FMO1: variants seen among roughly 807,000 people sequenced by gnomAD.
FMO1 encodes the protein flavin containing dimethylaniline monoxygenase 1, also known as flavin-containing monooxygenase 1.
A neutral mutation model predicts 45.4 loss-of-function variants in FMO1; 36 were observed. The ratio of observed to expected loss-of-function variants is 0.79; its 90% confidence interval spans 0.61 to 1.05. The LOEUF is 1.05. Among genes scored for constraint, FMO1 ranks in the 50% least tolerant of loss-of-function variants. FMO1 has a pLI of 0.00. For missense variants in FMO1, 615 were observed against 640.3 expected, an observed-to-expected ratio of 0.96 and a Z score of 0.43; for synonymous variants, 228 against 227.2, an observed-to-expected ratio of 1.00 and a Z score of -0.03.
chr1:171,285,055 C>T (rs539245197), intron 8 of FMO1, 147 bp from the exon 9 acceptor site: 65 of 545,572 alleles, frequency 1.2e-4, no homozygotes, highest in East Asian at 3.0e-4. Flanking sequence ...AGAAGGAGAC[C>T]GTTAGATAGG....
chr1:171,263,355 C>A (rs1017385042), intron 2 of FMO1, among the ~76,000 whole-genome samples: 1 of 152,196 alleles, frequency 6.6e-6, no homozygotes, highest in African/African-American at 2.4e-5. Flanking sequence ...AGAAAATTCC[C>A]AGATCAGCCA....
At chr1:171,275,798 C>G (rs1661085119) in intron 4 of FMO1, among the ~76,000 whole-genome samples, 1 of 152,118 alleles carries the variant, frequency 6.6e-6, no homozygotes, top group Non-Finnish European at 1.5e-5. Flanking sequence ...TGGTAGCACT[C>G]AGAAAGTCTT....
intron 2 of FMO1, among the ~76,000 whole-genome samples, chr1:171,262,205 T>C (rs531696528): frequency 1.3e-5 from 2 of 151,882 alleles, no homozygotes; most frequent in African/African-American, 4.8e-5. Context: ...AAGGCCGAGG[T>C]GGACAGATCA....
At chr1:171,258,773 T>A (rs534202051) in intron 2 of FMO1, among the ~76,000 whole-genome samples, 47 of 152,304 alleles carry the variant, frequency 3.1e-4, no homozygotes, top group Middle Eastern at 3.4e-3. Context: ...GAGTCTTTTT[T>A]TTATTCCCTG....
chr1:171,268,797 C>T (rs1660725408), intron 3 of FMO1, among the ~76,000 whole-genome samples: 1 of 152,198 alleles, frequency 6.6e-6, no homozygotes, highest in Non-Finnish European at 1.5e-5. Context: ...CATTCACATT[C>T]ACGACCTTAA....
rs35331306 is a variant in FMO1 at position 171,283,265 on chromosome 1, TAAAAAAAAAAAAAAA to T, written c.1256+67_1256+81del. ...CTTTTTAAATTATAACTGAAATTGG[TAAAAAAAAAAAAAAA>T]AAAAAAAAAAAAAAAAAGGAAATGA... On this transcript the variant is annotated intron_variant, in intron 8 of 8. Coordinates refer to ENST00000617670, the MANE Select transcript of FMO1 (RefSeq NM_001282693.2). The T allele has an allele frequency of 3.2e-3, 242 of 74,724 alleles. 2 individuals are homozygous for T. The highest frequency in any genetic ancestry group is 0.012 in the African/African-American group (99 of 8,558). 4.6% of individuals were successfully genotyped at this position (74,724 alleles called of 1,614,324 possible).
intron 3 of FMO1, among the ~76,000 whole-genome samples, chr1:171,272,022 C>T (rs550705761): frequency 1.3e-5 from 2 of 152,340 alleles, no homozygotes; most frequent in South Asian, 4.1e-4. Context: ...CAGCCCTTCC[C>T]ATCACAGGCC....
chr1:171,274,023 C>T (rs1186414989), intron 3 of FMO1, among the ~76,000 whole-genome samples: 2 of 152,034 alleles, frequency 1.3e-5, no homozygotes, highest in Non-Finnish European at 2.9e-5. Flanking sequence ...GTGGCATGGG[C>T]CTGTAGTCTC....
At chr1:171,276,276 CCA>C (rs1294882315) in intron 4 of FMO1, among the ~76,000 whole-genome samples, 3 of 152,154 alleles carry the variant, frequency 2.0e-5, no homozygotes, top group Non-Finnish European at 4.4e-5. Context: ...GGATCTGCCC[CCA>C]GAGGTCACTC....
chr1:171,261,571 A>G (rs1017275550), intron 2 of FMO1, among the ~76,000 whole-genome samples: 2 of 152,124 alleles, frequency 1.3e-5, no homozygotes, highest in Admixed American at 1.3e-4. Flanking sequence ...GAGGCCCCAG[A>G]GAATATAGAC....
At chr1:171,254,609 A>G (rs750805524) in intron 1 of FMO1, among the ~76,000 whole-genome samples, 3 of 152,208 alleles carry the variant, frequency 2.0e-5, no homozygotes, top group Non-Finnish European at 2.9e-5. Flanking sequence ...CAGTTCATCA[A>G]CAATGTCTTA....
At chr1:171,263,715 G>T (rs1463016383) in intron 2 of FMO1, among the ~76,000 whole-genome samples, 1 of 152,124 alleles carries the variant, frequency 6.6e-6, no homozygotes, top group Admixed American at 6.5e-5. Flanking sequence ...TTTTTAGAGG[G>T]CACGTGCTTC....
chr1:171,278,333 G>T (rs1661195285), intron 4 of FMO1, among the ~76,000 whole-genome samples: 1 of 152,228 alleles, frequency 6.6e-6, no homozygotes, highest in Non-Finnish European at 1.5e-5. Context: ...CTGACTCACA[G>T]TTCCCTTAAG....
At position 171,259,190 on chromosome 1, in the gene FMO1, G is replaced by C. The variant is rs527317763; in HGVS notation, c.132+971G>C. Among the ~76,000 whole-genome samples, 5 of 152,342 alleles carry C rather than the reference G, an allele frequency of 3.3e-5. No individual in the cohort carries two copies. The South Asian group carries it at 1.0e-3, about 32-fold the overall frequency. On this transcript the variant is annotated intron_variant, in intron 2 of 8. Transcript: ENST00000617670. ...AGCATTTCTCTGTTACAGAAGGGTA[G>C]AATTTGGAACTGAAGTAAAGTAATT...
In FMO1 at chr1:171,278,779, C is replaced by A; in HGVS notation, c.535C>A (p.Pro179Thr). The change falls in exon 5 of 9, where the codon CCA becomes ACA. Residue 179 changes from proline to threonine, a missense_variant. Coordinates refer to ENST00000617670, the MANE Select transcript of FMO1 (RefSeq NM_001282693.2). ...CTTTCATAGCCGGCAATATAAGCATCCAGATATATTTAAGGACAAGAGAGT... is the reference window on the plus strand; with the variant it reads ...CTTTCATAGCCGGCAATATAAGCATACAGATATATTTAAGGACAAGAGAGT... The part of the protein sequence containing the change: ...QYFHSRQYKH[P>T]DIFKDKRVLV... The A allele has an allele frequency of 6.2e-7, 1 of 1,610,824 alleles. No individual in the cohort carries two copies. The highest frequency in any genetic ancestry group is 8.5e-7 in the Non-Finnish European group (1 of 1,177,528).
intron 4 of FMO1, among the ~76,000 whole-genome samples, chr1:171,276,622 T>C (rs1209347192): frequency 6.6e-6 from 1 of 152,186 alleles, no homozygotes; most frequent in African/African-American, 2.4e-5. Flanking sequence ...ACTTACAGTA[T>C]ATTGCACTAG....
chr1:171,284,020 C>T (rs1338647367), intron 8 of FMO1, among the ~76,000 whole-genome samples: 1 of 152,116 alleles, frequency 6.6e-6, no homozygotes. Flanking sequence ...AGACTGATGG[C>T]CAGCAAAGTA....
At chr1:171,272,981 T>C (rs1486645429) in intron 3 of FMO1, among the ~76,000 whole-genome samples, 2 of 152,150 alleles carry the variant, frequency 1.3e-5, no homozygotes, top group East Asian at 3.9e-4. Flanking sequence ...TAGAGTAATA[T>C]GGTTTGTCTG....
intron 3 of FMO1, among the ~76,000 whole-genome samples, chr1:171,269,046 C>T (rs759727919): frequency 9.9e-5 from 15 of 152,180 alleles, no homozygotes; most frequent in Non-Finnish European, 5.9e-5. Flanking sequence ...TCTTCTTTAT[C>T]TTCCACCATG....
Sources: allele counts gnomAD v4.1 joint callset (sites outside exome capture counted in the v4.1 genomes callset), GRCh38; gene constraint gnomAD v4.1.1; transcripts MANE v1.5; gene names NCBI Gene and HGNC (gene_info 2026-07-23, HGNC 2026-07-21).